CAPZB: variants seen among roughly 807,000 people sequenced by gnomAD.
The protein encoded by CAPZB is capping actin protein of muscle Z-line subunit beta.
Under a neutral mutation model 38.1 loss-of-function variants are expected in CAPZB, and 2 were observed. The observed-to-expected ratio is 0.05, with a 90% CI of 0.02 to 0.17. The LOEUF (loss-of-function observed/expected upper bound fraction) is 0.17. CAPZB is among the 10% of genes least tolerant of loss of function. The probability of loss-of-function intolerance (pLI) is 1.00; values close to 1 mark genes in which losing one functional copy is unlikely to be tolerated. For synonymous variants in CAPZB, 107 were observed against 127.4 expected (o/e 0.84, Z 1.08); for missense variants, 161 against 334.2 (o/e 0.48, Z 4.04).
chr1:19,471,567 C>T (rs952936685), intron 1 of CAPZB, among the ~76,000 whole-genome samples: 1 of 151,298 alleles, frequency 6.6e-6, no homozygotes, highest in African/African-American at 2.4e-5. Context: ...TCTGTTACGT[C>T]GAGAAATGCT....
chr1:19,351,223 C>T (rs1198217873), intron 6 of CAPZB, among the ~76,000 whole-genome samples: 1 of 149,428 alleles, frequency 6.7e-6, no homozygotes, highest in East Asian at 2.0e-4. Context: ...CCTCGTGATC[C>T]ACCTGCCTTG....
At chr1:19,348,597 T>A (rs1404430872) in intron 6 of CAPZB, among the ~76,000 whole-genome samples, 4 of 152,050 alleles carry the variant, frequency 2.6e-5, no homozygotes, top group African/African-American at 9.7e-5. Context: ...CCAACCTATG[T>A]CGCTGTAGAT....
intron 4 of CAPZB, among the ~76,000 whole-genome samples, chr1:19,376,761 G>A (rs551866439): frequency 1.3e-5 from 2 of 152,320 alleles, no homozygotes; most frequent in African/African-American, 4.8e-5. Flanking sequence ...TACCACGTAC[G>A]AGGTGCATCC....
At chr1:19,401,500 C>T (rs1023426409) in intron 2 of CAPZB, among the ~76,000 whole-genome samples, 1 of 151,228 alleles carries the variant, frequency 6.6e-6, no homozygotes, top group Non-Finnish European at 1.5e-5. Context: ...GGGAATGAAG[C>T]ATGCAGTCCT....
chr1:19,419,855 G>A lies in CAPZB; in HGVS notation c.4-105C>T, dbSNP rs16862748. The stretch of plus-strand genomic sequence containing the variant: ...CCCAAGGCATTCTAAAACCCAAAGA[G>A]CCACGCAGTGGGCCCTCCGCCAGGT... On this transcript the variant is annotated intron_variant, in intron 1 of 8. Transcript: ENST00000264202. The A allele has an allele frequency of 2.3e-3, 1,578 of 696,370 alleles. 16 individuals are homozygous for A. The African/African-American group carries it at 0.025, about 11-fold the overall frequency. The allele number at this position is 696,370 out of a possible 1,614,324, so 43.1% of individuals were successfully genotyped here. A position where few individuals can be genotyped will look rare whatever the true frequency, so the allele number is the denominator to read the frequency against.
intron 1 of CAPZB, among the ~76,000 whole-genome samples, chr1:19,465,523 T>C (rs2094566122): frequency 1.3e-5 from 2 of 152,244 alleles, no homozygotes; most frequent in African/African-American, 4.8e-5. Context: ...TTTTGAAACC[T>C]GTGACTGAAT....
chr1:19,366,283 A>AATAAATATATATATATATATATATATAT lies in CAPZB; in HGVS notation c.330-8721_330-8720insATATATATATATATATATATATATTTAT, dbSNP rs71008151. On this transcript the variant is annotated intron_variant, in intron 4 of 8. Coordinates refer to ENST00000264202, the MANE Select transcript of CAPZB (RefSeq NM_004930.5). Reference sequence around the variant, plus strand: ...GCAACATAGTGAGACCGTGTCTTAAAATATATATATATATATATATATATA... The same window carrying AATAAATATATATATATATATATATATAT: ...GCAACATAGTGAGACCGTGTCTTAAAATAAATATATATATATATATATATATATATATATATATATATATATATATATA... Among the ~76,000 whole-genome samples, 147 of 60,434 alleles carry AATAAATATATATATATATATATATATAT rather than the reference A, an allele frequency of 2.4e-3. 3 individuals carry two copies. The highest frequency in any genetic ancestry group is 3.5e-3 in the Non-Finnish European group (102 of 28,946). 39.6% of individuals were successfully genotyped at this position (60,434 alleles called of 152,430 possible). A position where few individuals can be genotyped will look rare whatever the true frequency, so the allele number is the denominator to read the frequency against.
At position 19,483,491 on chromosome 1, in the gene CAPZB, C is replaced by T. The variant is rs746255887; in HGVS notation, c.3+1945G>A. 5.9e-5 allele frequency among the ~76,000 whole-genome samples: 9 copies of T among 152,332 alleles called. No homozygotes were observed. In the South Asian group the frequency reaches 8.3e-4, roughly 14 times the overall value. On this transcript the variant is annotated intron_variant, in intron 1 of 8. Transcript: ENST00000264202. ...AACAGCTTGTACAGGTGAAGCACAC[C>T]ACAGTGACTGGCAGACAGTTCCTCC...
chr1:19,387,340 C>T (rs548475052), intron 2 of CAPZB, among the ~76,000 whole-genome samples: 3 of 152,346 alleles, frequency 2.0e-5, no homozygotes, highest in African/African-American at 7.2e-5. Context: ...GCAAACAGCC[C>T]TCTCCTAGCC....
chr1:19,453,513 G>A (rs886248547), intron 1 of CAPZB, among the ~76,000 whole-genome samples: 9 of 151,818 alleles, frequency 5.9e-5, no homozygotes, highest in Non-Finnish European at 1.0e-4. Context: ...TACCTGCCTC[G>A]GCCTCCCAAA....
At chr1:19,399,728 T>C in intron 2 of CAPZB, among the ~76,000 whole-genome samples, 1 of 152,168 alleles carries the variant, frequency 6.6e-6, no homozygotes, top group Non-Finnish European at 1.5e-5. Context: ...ATTCAAGTTC[T>C]AAGATTTTGC....
chr1:19,400,702 G>T (rs1016186635), intron 2 of CAPZB, among the ~76,000 whole-genome samples: 2 of 152,156 alleles, frequency 1.3e-5, no homozygotes, highest in African/African-American at 4.8e-5. Flanking sequence ...CTGTTCTCCG[G>T]CTTCCAACAA....
intron 1 of CAPZB, among the ~76,000 whole-genome samples, chr1:19,434,630 A>G (rs1389362271): frequency 6.6e-6 from 1 of 151,990 alleles, no homozygotes; most frequent in Non-Finnish European, 1.5e-5. Flanking sequence ...TTCAGAAAAC[A>G]TAAGATTATA....
At chr1:19,424,837 G>A (rs535368153) in intron 1 of CAPZB, among the ~76,000 whole-genome samples, 16 of 152,304 alleles carry the variant, frequency 1.1e-4, no homozygotes, top group African/African-American at 3.8e-4. Context: ...GGATTTGGCC[G>A]CTTGCAGGCC....
chr1:19,357,213 A>G lies in CAPZB; in HGVS notation c.471+209T>C, dbSNP rs1456469153. ...AATCTCAACTGGTTTTTAAAGGGAC[A>G]TTTGTAATTATGTATTTCTTCTGGG... On this transcript the variant is annotated intron_variant, in intron 5 of 8. Transcript: ENST00000264202. The surrounding 1 kb of genome is among the most constrained non-coding windows in gnomAD (Gnocchi z 4.3). Among the ~76,000 whole-genome samples the G allele has an allele frequency of 2.6e-5, 4 of 152,130 alleles. No individual in the cohort carries two copies. The highest frequency in any genetic ancestry group is 5.9e-5 in the Non-Finnish European group (4 of 68,036).
intron 1 of CAPZB, among the ~76,000 whole-genome samples, chr1:19,439,455 G>A (rs1349829880): frequency 5.3e-5 from 8 of 152,262 alleles, no homozygotes; most frequent in African/African-American, 9.6e-5. Context: ...CACTTCCCCC[G>A]TATGAAATCC....
chr1:19,357,380 T>C lies in CAPZB; in HGVS notation c.471+42A>G, dbSNP rs1210204867. On this transcript the variant is annotated intron_variant, in intron 5 of 8. Coordinates refer to ENST00000264202, the MANE Select transcript of CAPZB (RefSeq NM_004930.5). This position sits in a 1 kb window ranked among gnomAD's most constrained non-coding sequence, Gnocchi z 4.3. ...GCGCGGCACTGGTTGGTGTGCCATC[T>C]GTACTTAGTGGCCCGGGCCACCAGC... 6.2e-7 allele frequency: 1 copy of C among 1,603,356 alleles called. No individual in the cohort carries two copies. Among genetic ancestry groups the C allele is most frequent in the Non-Finnish European group, 8.5e-7 (1 of 1,171,910 alleles).
chr1:19,463,697 T>C (rs561847304), intron 1 of CAPZB, among the ~76,000 whole-genome samples: 1 of 152,218 alleles, frequency 6.6e-6, no homozygotes, highest in South Asian at 2.1e-4. Flanking sequence ...GGAAGACCAC[T>C]TGGCACCCTT....
chr1:19,448,748 T>G, intron 1 of CAPZB: 1 of 1,504,900 alleles, frequency 6.6e-7, no homozygotes, highest in South Asian at 1.2e-5. Flanking sequence ...TACTTCTCCC[T>G]TCACCCTGGC....
Sources: allele counts gnomAD v4.1 joint callset (sites outside exome capture counted in the v4.1 genomes callset), GRCh38; gene constraint gnomAD v4.1.1; non-coding constraint Gnocchi (gnomAD v3.1); transcripts MANE v1.5; gene names NCBI Gene and HGNC (gene_info 2026-07-23, HGNC 2026-07-21).